The following SPACA7 variants were observed in gnomAD, a reference collection of about 807,000 sequenced individuals.
SPACA7 encodes the protein sperm acrosome-associated protein 7.
SPACA7 carries 19 observed loss-of-function variants against 26.3 expected under a neutral mutation model. That is an observed-to-expected ratio of 0.72 (90% CI 0.50 to 1.06). SPACA7 has a LOEUF of 1.06. SPACA7 is among the 50% of genes least tolerant of loss of function. The pLI is 0.00. For synonymous variants in SPACA7, 84 were observed against 84.5 expected (o/e 0.99, Z 0.04); for missense variants, 211 against 229.9 (o/e 0.92, Z 0.53).
chr13:112,430,299 C>A (rs1251684429), intron 5 of SPACA7, among the ~76,000 whole-genome samples: 1 of 152,012 alleles, frequency 6.6e-6, no homozygotes. Context: ...GTTCTCACTC[C>A]TAATGCTGCC....
intron 1 of SPACA7, among the ~76,000 whole-genome samples, chr13:112,382,870 T>C (rs543798471): frequency 1.3e-5 from 2 of 151,910 alleles, no homozygotes; most frequent in Non-Finnish European, 2.9e-5. Context: ...GTGCCTGTAA[T>C]CCCAGCTACT....
intron 5 of SPACA7, among the ~76,000 whole-genome samples, chr13:112,414,575 T>C (rs1053805128): frequency 1.3e-5 from 2 of 151,980 alleles, no homozygotes; most frequent in Non-Finnish European, 2.9e-5. Context: ...CATGCCCAGA[T>C]AATTTTTGTA....
At chr13:112,416,232 G>C (rs1256787940) in intron 5 of SPACA7, among the ~76,000 whole-genome samples, 2 of 152,010 alleles carry the variant, frequency 1.3e-5, no homozygotes, top group Admixed American at 1.3e-4. Context: ...AATCACTGGA[G>C]GGTAATATTT....
chr13:112,385,109 C>A (rs564296692), intron 1 of SPACA7, among the ~76,000 whole-genome samples: 1 of 152,256 alleles, frequency 6.6e-6, no homozygotes, highest in African/African-American at 2.4e-5. Context: ...TTTTAGCCTA[C>A]AGAAAAAAGC....
intron 2 of SPACA7, among the ~76,000 whole-genome samples, chr13:112,393,723 G>T (rs1337370031): frequency 6.6e-6 from 1 of 152,232 alleles, no homozygotes; most frequent in African/African-American, 2.4e-5. Context: ...TCATTGTCTA[G>T]TGGCCACATT....
At chr13:112,430,214 C>A (rs1273023398) in intron 5 of SPACA7, among the ~76,000 whole-genome samples, 4 of 79,382 alleles carry the variant, frequency 5.0e-5, no homozygotes, top group African/African-American at 2.4e-4. Flanking sequence ...GTGTGTCTCA[C>A]TCTGTCCTTT....
At chr13:112,426,428 A>G (rs888061976) in intron 5 of SPACA7, among the ~76,000 whole-genome samples, 1 of 152,242 alleles carries the variant, frequency 6.6e-6, no homozygotes, top group Non-Finnish European at 1.5e-5. Context: ...GAAACAGCTT[A>G]TTAATGTCTA....
rs1046392133 is a variant in SPACA7 at position 112,419,387 on chromosome 13, A to T, written c.446-13057A>T. Among the ~76,000 whole-genome samples, 5 of 152,184 alleles carry T rather than the reference A, an allele frequency of 3.3e-5. No homozygotes were observed. In the East Asian group the frequency reaches 9.6e-4, roughly 29 times the overall value. ...TCTCTGTAAGATGCTCACAGGAAGG[A>T]CTGGGGCACAGCAGGGCCACAGAGG... On this transcript the variant is annotated intron_variant, in intron 5 of 6. Transcript: ENST00000283550.
chr13:112,413,676 A>G (rs1315599727), intron 5 of SPACA7, among the ~76,000 whole-genome samples: 2 of 151,198 alleles, frequency 1.3e-5, no homozygotes, highest in Non-Finnish European at 3.0e-5. Flanking sequence ...TAAACTTTCT[A>G]CTCCTATATT....
At chr13:112,426,298 G>A (rs1268213269) in intron 5 of SPACA7, among the ~76,000 whole-genome samples, 2 of 152,100 alleles carry the variant, frequency 1.3e-5, no homozygotes, top group African/African-American at 4.8e-5. Flanking sequence ...CTTCCTCATT[G>A]CCCACTTCAT....
At position 112,434,573 on chromosome 13, in the gene SPACA7, G is replaced by A. The variant is rs200241010; in HGVS notation, c.*24G>A. The A allele has an allele frequency of 1.5e-5, 24 of 1,583,446 alleles. No individual in the cohort carries two copies. The East Asian group carries it at 2.1e-4, about 14-fold the overall frequency. ...GAGGCCGCAGCCCCAGACCCCCTGC[G>A]CAGGAGAGGAGCCTGCTAGAACCCC... On this transcript the variant is annotated 3_prime_UTR_variant, in exon 7 of 7. Coordinates refer to ENST00000283550, the MANE Select transcript of SPACA7 (RefSeq NM_145248.5).
chr13:112,389,186 T>G (rs1884721021), intron 1 of SPACA7, among the ~76,000 whole-genome samples: 1 of 152,252 alleles, frequency 6.6e-6, no homozygotes, highest in Admixed American at 6.5e-5. Flanking sequence ...ACTATGAACC[T>G]TCTCCCATAG....
intron 5 of SPACA7, 31 bp downstream of exon 5, chr13:112,401,195 T>G: frequency 6.5e-7 from 1 of 1,549,550 alleles, no homozygotes; most frequent in Non-Finnish European, 8.9e-7. Context: ...CTGAGAGCTC[T>G]GTGGGAGAGA....
intron 1 of SPACA7, among the ~76,000 whole-genome samples, chr13:112,384,595 G>T (rs1009848337): frequency 6.6e-6 from 1 of 152,064 alleles, no homozygotes; most frequent in Non-Finnish European, 1.5e-5. Context: ...AATAGCAAAG[G>T]TTTAAAACAC....
intron 5 of SPACA7, among the ~76,000 whole-genome samples, chr13:112,424,825 C>G (rs1876367407): frequency 6.6e-6 from 1 of 152,132 alleles, no homozygotes; most frequent in Non-Finnish European, 1.5e-5. Flanking sequence ...CATGCTGTCT[C>G]AGTACCTGCT....
At chr13:112,411,708 C>T (rs1444669739) in intron 5 of SPACA7, among the ~76,000 whole-genome samples, 1 of 152,132 alleles carries the variant, frequency 6.6e-6, no homozygotes, top group African/African-American at 2.4e-5. Flanking sequence ...GCTCTCTGTG[C>T]CTTTCACTTG....
intron 2 of SPACA7, among the ~76,000 whole-genome samples, chr13:112,394,860 C>G (rs522386): frequency 1.1e-4 from 16 of 151,634 alleles, no homozygotes; most frequent in Non-Finnish European, 1.9e-4. Flanking sequence ...GAGTGGCTGG[C>G]GTTTCTGATA....
In SPACA7 at chr13:112,401,078, C is replaced by T. The variant is rs377537293; in HGVS notation, c.359C>T (p.Ala120Val). 1 of 1,613,690 alleles carries T rather than the reference C, an allele frequency of 6.2e-7. No homozygotes were observed. The highest frequency in any genetic ancestry group is 8.5e-7 in the Non-Finnish European group (1 of 1,179,734). ...ATATTTGTCATTAAAGAAGCCAATG[C>T]TAATGCAAATCTCCATGGCGATCCT... ...EVKISNDEAN[A>V]NANLHGDPSE... is the part of the protein sequence containing the mutation. Residue 120 changes from alanine (A) to valine (V), a missense_variant, in exon 5 of 7, where the codon GCT becomes GTT. Coordinates refer to ENST00000283550, the MANE Select transcript of SPACA7 (RefSeq NM_145248.5).
At chr13:112,416,945 T>A in intron 5 of SPACA7, among the ~76,000 whole-genome samples, 1 of 152,180 alleles carries the variant, frequency 6.6e-6, no homozygotes, top group East Asian at 1.9e-4. Flanking sequence ...CACAAATCTT[T>A]AGACTCTTGT....
Sources: gnomAD v4.1 joint callset for allele counts (sites outside exome capture counted in the v4.1 genomes callset) on GRCh38, gnomAD v4.1.1 for gene constraint, MANE v1.5 for transcripts, NCBI Gene and HGNC (gene_info 2026-07-23, HGNC 2026-07-21) for gene names.